The following WAPL variants were observed in gnomAD, a reference collection of about 807,000 sequenced individuals.
WAPL encodes the protein WAPL cohesin release factor.
Under a neutral mutation model 121.0 loss-of-function variants are expected in WAPL, and 5 were observed. The ratio of observed to expected loss-of-function variants is 0.04; its 90% CI spans 0.02 to 0.09. The LOEUF is 0.09. Ranked by LOEUF, WAPL falls within the 10% of genes least tolerant of loss-of-function variation. The pLI is 1.00. For missense variants in WAPL, 999 were observed against 1,410.8 expected (o/e 0.71, Z 4.68); for synonymous variants, 480 against 481.5 (o/e 1.00, Z 0.04).
chr10:86,446,990 A>G (rs1849638290), intron 15 of WAPL, among the ~76,000 whole-genome samples: 1 of 152,228 alleles, frequency 6.6e-6, no homozygotes, highest in Non-Finnish European at 1.5e-5. Context: ...TTCAGAAAAT[A>G]AAAATTAAAC....
intron 2 of WAPL, among the ~76,000 whole-genome samples, chr10:86,510,806 G>A (rs890177081): frequency 1.3e-5 from 2 of 151,828 alleles, no homozygotes; most frequent in African/African-American, 2.4e-5. Flanking sequence ...ACTTTATTCG[G>A]TAAGTATTAA....
intron 2 of WAPL, 104 bp downstream of exon 2, chr10:86,517,467 A>C: frequency 7.1e-7 from 1 of 1,409,402 alleles, no homozygotes; most frequent in South Asian, 1.6e-5. Flanking sequence ...CATGTATCAT[A>C]AGTGCAGAAA....
At chr10:86,441,141 G>C (rs1419921622) in intron 17 of WAPL, among the ~76,000 whole-genome samples, 2 of 151,982 alleles carry the variant, frequency 1.3e-5, no homozygotes, top group Non-Finnish European at 2.9e-5. Context: ...AAAACAATCT[G>C]CCTTCCATTT....
chr10:86,443,813 G>C (rs1849534204), intron 16 of WAPL: 1 of 159,946 alleles, frequency 6.3e-6, no homozygotes, highest in African/African-American at 2.4e-5. Flanking sequence ...CTTGAGCTCA[G>C]GAGTTTGAGA....
At chr10:86,471,624 T>A (rs557393761) in intron 7 of WAPL, among the ~76,000 whole-genome samples, 4 of 151,828 alleles carry the variant, frequency 2.6e-5, no homozygotes, top group African/African-American at 9.6e-5. Flanking sequence ...GATTTTTTTT[T>A]AATTATTTAC....
At chr10:86,510,953 A>C (rs1034110180) in intron 2 of WAPL, among the ~76,000 whole-genome samples, 4 of 151,366 alleles carry the variant, frequency 2.6e-5, no homozygotes, top group Non-Finnish European at 5.9e-5. Context: ...CAGTCTCCCA[A>C]GTAGCTGGAA....
chr10:86,473,310 T>C (rs540321170), intron 5 of WAPL, among the ~76,000 whole-genome samples: 43 of 152,308 alleles, frequency 2.8e-4, no homozygotes, highest in African/African-American at 9.4e-4. Flanking sequence ...TATCCCCAAA[T>C]TTCTTATTGT....
intron 4 of WAPL, among the ~76,000 whole-genome samples, chr10:86,480,783 AGAGAAGT>A (rs892026699): frequency 6.0e-4 from 91 of 152,348 alleles, no homozygotes; most frequent in African/African-American, 2.0e-3. Flanking sequence ...TGAAGTGTGA[AGAGAAGT>A]GAGGTACACC....
rs11598345 is a variant in WAPL, at chr10:86,446,419, G to T, written c.3145C>A (p.Leu1049Ile). The T allele has an allele frequency of 1.2e-6, 2 of 1,614,076 alleles. No homozygotes were observed. The highest frequency in any genetic ancestry group is 4.5e-5 in the East Asian group (2 of 44,884). ...LFLERERAAQ[L>I]AESKTDELIK... ...AACTCATCTGTTTTACTTTCTGCTAGCTGGGCTGCCCGCTCTCGCTCAAGG... is the reference window on the plus strand; with the variant it reads ...AACTCATCTGTTTTACTTTCTGCTATCTGGGCTGCCCGCTCTCGCTCAAGG... Residue 1049 changes from leucine (L) to isoleucine (I), a missense_variant, in exon 16 of 19, where the codon CTA becomes ATA. Physicochemically the swap from Leu to Ile is conservative, Grantham distance 5. This residue lies in a region of WAPL where 126 missense variants were observed against 144.0 expected (regional missense o/e 0.87). Transcript: ENST00000298767.
chr10:86,482,390 T>C (rs1841809913), intron 4 of WAPL, among the ~76,000 whole-genome samples: 1 of 152,234 alleles, frequency 6.6e-6, no homozygotes, highest in South Asian at 2.1e-4. Context: ...TATGTGAATG[T>C]ATGTGAATAT....
intron 4 of WAPL, among the ~76,000 whole-genome samples, chr10:86,479,786 A>G (rs1237990555): frequency 6.6e-6 from 1 of 152,230 alleles, no homozygotes; most frequent in Non-Finnish European, 1.5e-5. Context: ...ATGTGTGCAC[A>G]GTACTTTAGC....
chr10:86,467,229 G>T, intron 9 of WAPL, 50 bp downstream of exon 9: 1 of 1,555,470 alleles, frequency 6.4e-7, no homozygotes, highest in South Asian at 1.1e-5. Flanking sequence ...ACTAACCAAA[G>T]ACTTTCTGAA....
intron 3 of WAPL, 148 bp downstream of exon 3, chr10:86,499,570 T>C: frequency 1.4e-6 from 1 of 709,874 alleles, no homozygotes. Flanking sequence ...CTATAATAAA[T>C]GTTATGTGAA....
chr10:86,437,725 C>A, intron 18 of WAPL, 117 bp from the exon 19 acceptor site: 1 of 1,156,098 alleles, frequency 8.6e-7, no homozygotes, highest in Non-Finnish European at 1.2e-6. Context: ...TCAAAGTACA[C>A]CGAGATTAAA....
At chr10:86,487,907 C>CAA (rs1333360176) in intron 4 of WAPL, among the ~76,000 whole-genome samples, 2 of 151,868 alleles carry the variant, frequency 1.3e-5, no homozygotes, top group African/African-American at 2.4e-5. Context: ...AACAAACAAA[C>CAA]AAACAAAAAA....
intron 16 of WAPL, among the ~76,000 whole-genome samples, chr10:86,445,621 C>T (rs1239849490): frequency 6.6e-6 from 1 of 151,998 alleles, no homozygotes; most frequent in Non-Finnish European, 1.5e-5. Flanking sequence ...AATTCCTCAG[C>T]TCAAGCAATC....
intron 4 of WAPL, among the ~76,000 whole-genome samples, chr10:86,484,422 G>A (rs1417933776): frequency 6.6e-6 from 1 of 152,150 alleles, no homozygotes; most frequent in Non-Finnish European, 1.5e-5. Flanking sequence ...TTGAGCCCAG[G>A]AGGTCAAGGC....
At position 86,455,014 on chromosome 10, in the gene WAPL, G is replaced by A. The variant is rs548227386; in HGVS notation, c.2658-1183C>T. ...TCTCCGCCCGGCAGCCACCCCGTCCGGGAGGTGGGGGGCAGCCCCCGCCCG... is the reference window on the plus strand; with the variant it reads ...TCTCCGCCCGGCAGCCACCCCGTCCAGGAGGTGGGGGGCAGCCCCCGCCCG... On this transcript the variant is annotated intron_variant, in intron 12 of 18. Coordinates refer to ENST00000298767, the MANE Select transcript of WAPL (RefSeq NM_015045.5). Among the ~76,000 whole-genome samples the A allele has an allele frequency of 4.4e-3, 538 of 123,578 alleles. 3 individuals carry two copies. The highest frequency in any genetic ancestry group is 0.014 in the African/African-American group (494 of 34,944). The allele number at this position is 123,578 out of a possible 152,430, so 81.1% of individuals were successfully genotyped here.
intron 4 of WAPL, among the ~76,000 whole-genome samples, 170 bp downstream of exon 4, chr10:86,497,031 G>A (rs1414151756): frequency 1.3e-5 from 2 of 152,086 alleles, no homozygotes; most frequent in Non-Finnish European, 2.9e-5. Context: ...TTAAAAATAT[G>A]TATATTTTAC....
Sources: gnomAD v4.1 joint callset for allele counts (sites outside exome capture counted in the v4.1 genomes callset) on GRCh38, gnomAD v4.1.1 for gene constraint, gnomAD v4.1.1 regional missense constraint, MANE v1.5 for transcripts, NCBI Gene and HGNC (gene_info 2026-07-23, HGNC 2026-07-21) for gene names.